Variants in BRI3 observed in about 807,000 individuals in gnomAD.
BRI3 encodes the protein membrane protein BRI3.
In BRI3, 6 loss-of-function variants were observed where a neutral mutation model predicts 12.8. The ratio of observed to expected loss-of-function variants is 0.47; its 90% CI spans 0.26 to 0.93. The LOEUF (loss-of-function observed/expected upper bound fraction) is 0.93. BRI3 is among the 40% of genes least tolerant of loss of function. The pLI is 0.15. For synonymous variants in BRI3, 91 were observed against 76.1 expected (o/e 1.20, Z -1.02); for missense variants, 134 against 171.1 (o/e 0.78, Z 1.21).
chr7:98,310,529 T>C (rs1800827870), downstream of BRI3: 7 of 1,601,186 alleles, frequency 4.4e-6, no homozygotes, highest in Admixed American at 1.8e-5. Context: ...GTATATGCTC[T>C]GCCTGAAGGA....
downstream of BRI3, chr7:98,292,500 A>C: frequency 2.5e-6 from 2 of 808,040 alleles, no homozygotes; most frequent in South Asian, 1.7e-5. Context: ...ACTCCAAAAT[A>C]GGTCCAGATC....
At chr7:98,306,289 A>G, upstream of BRI3, 1 of 930,812 alleles carries the variant, frequency 1.1e-6, no homozygotes, top group Non-Finnish European at 1.7e-6. Context: ...CACGGCAGAC[A>G]GCACTGTGAG....
chr7:98,281,968 G>A, intron 1 of BRI3, 31 bp downstream of exon 1: 1 of 1,281,378 alleles, frequency 7.8e-7, no homozygotes, highest in Non-Finnish European at 9.9e-7. Context: ...CCCCGCCGGC[G>A]GCTTCCGAGG....
At chr7:98,294,956 C>CTCT (rs1491523851), downstream of BRI3, among the ~76,000 whole-genome samples, 3 of 152,336 alleles carry the variant, frequency 2.0e-5, no homozygotes, top group South Asian at 2.1e-4. Context: ...GGGTTTAACA[C>CTCT]TCTTTCCTGC....
At chr7:98,308,216 T>C (rs1044620653) in exon 2 of BRI3, 2 of 530,520 alleles carry the variant, frequency 3.8e-6, no homozygotes, top group Admixed American at 2.2e-5. Flanking sequence ...ATGGCTCTTC[T>C]TAGAGAGACA....
the BRI3 span, among the ~76,000 whole-genome samples, chr7:98,315,875 C>A: frequency 6.6e-6 from 1 of 152,142 alleles, no homozygotes; most frequent in African/African-American, 2.4e-5. Context: ...TTACTTTGTA[C>A]TTCAGAGATA....
intron 1 of BRI3, among the ~76,000 whole-genome samples, chr7:98,300,889 C>T (rs553375473): frequency 2.0e-5 from 3 of 152,302 alleles, no homozygotes; most frequent in South Asian, 4.1e-4. Context: ...TGCCGAAGCT[C>T]GTGCCTCAGA....
At chr7:98,302,319 TG>T (rs1389608425), upstream of BRI3, among the ~76,000 whole-genome samples, 9 of 152,222 alleles carry the variant, frequency 5.9e-5, no homozygotes, top group African/African-American at 2.2e-4. Flanking sequence ...TTGGCCAAAG[TG>T]TCAGTGCTCT....
At chr7:98,302,581 G>C (rs992851458), upstream of BRI3, among the ~76,000 whole-genome samples, 2 of 151,950 alleles carry the variant, frequency 1.3e-5, no homozygotes, top group African/African-American at 4.8e-5. Context: ...AAATACAGGA[G>C]ACACGGGGGA....
chr7:98,315,543 G>A, the BRI3 span: 1 of 1,519,024 alleles, frequency 6.6e-7, no homozygotes, highest in Non-Finnish European at 8.9e-7. Flanking sequence ...TCTTCAAGCA[G>A]AGCCTCTTTG....
rs1042060236 is a variant in BRI3, at chr7:98,282,563, A to G, written c.245+110A>G. The G allele has an allele frequency of 9.0e-6, 8 of 887,114 alleles. No homozygotes were observed. In the African/African-American group the frequency reaches 1.0e-4, roughly 11 times the overall value. The allele number at this position is 887,114 out of a possible 1,614,324, so 55.0% of individuals were successfully genotyped here. On this transcript the variant is annotated intron_variant, in intron 2 of 2. Coordinates refer to ENST00000297290, the MANE Select transcript of BRI3 (RefSeq NM_015379.5). ...TGGGAGTGGGTCCGGCTTGACTTGG[A>G]TCTTGACCAGAGCCCTTTATGGGAG...
intron 1 of BRI3, among the ~76,000 whole-genome samples, chr7:98,301,360 G>T (rs1295596674): frequency 6.6e-6 from 1 of 152,022 alleles, no homozygotes; most frequent in Non-Finnish European, 1.5e-5. Flanking sequence ...ATTAGAATCC[G>T]CATAAGGAGG....
In BRI3 at chr7:98,291,423, G is replaced by A. The variant is rs771070435; in HGVS notation, c.*180G>A. ...AGAGGCAGTGCTGCTGCTCCCGCCC[G>A]AGGCTCATGACAACTCAATAAAGCA... On this transcript the variant is annotated 3_prime_UTR_variant, in exon 3 of 3. Coordinates refer to ENST00000297290, the MANE Select transcript of BRI3 (RefSeq NM_015379.5). 9.8e-6 allele frequency: 14 copies of A among 1,432,728 alleles called. No individual in the cohort carries two copies. The highest frequency in any genetic ancestry group is 3.0e-5 in the South Asian group (2 of 66,234). The allele number at this position is 1,432,728 out of a possible 1,614,324, so 88.8% of individuals were successfully genotyped here. A position where few individuals can be genotyped will look rare whatever the true frequency, so the allele number is the denominator to read the frequency against.
At chr7:98,310,819 T>C (rs1373265357), downstream of BRI3, among the ~76,000 whole-genome samples, 1 of 152,146 alleles carries the variant, frequency 6.6e-6, no homozygotes, top group African/African-American at 2.4e-5. Flanking sequence ...CTTGAGTAGC[T>C]GGATAACAGG....
chr7:98,315,820 G>A, the BRI3 span, among the ~76,000 whole-genome samples: 1 of 152,176 alleles, frequency 6.6e-6, no homozygotes, highest in African/African-American at 2.4e-5. Context: ...GCAGAGAGAA[G>A]TTGCCCAAGG....
chr7:98,284,192 G>A (rs1446888135), intron 2 of BRI3, among the ~76,000 whole-genome samples: 2 of 152,194 alleles, frequency 1.3e-5, no homozygotes, highest in African/African-American at 4.8e-5. Flanking sequence ...GTCCTCTCTG[G>A]ACAAGGTTGG....
chr7:98,290,675 TGTTA>T (rs911279176), intron 2 of BRI3, among the ~76,000 whole-genome samples: 3 of 151,850 alleles, frequency 2.0e-5, no homozygotes, highest in African/African-American at 7.3e-5. Flanking sequence ...ATTTTTGTAT[TGTTA>T]GTAGAGACAG....
At chr7:98,282,894 C>T (rs1799576478) in intron 2 of BRI3, 2 of 171,100 alleles carry the variant, frequency 1.2e-5, no homozygotes, top group Non-Finnish European at 2.6e-5. Context: ...AGTAAGTGCA[C>T]CAGCAGGACA....
At chr7:98,302,049 G>A (rs1008629913), upstream of BRI3, among the ~76,000 whole-genome samples, 4 of 152,150 alleles carry the variant, frequency 2.6e-5, no homozygotes, top group Admixed American at 6.6e-5. Flanking sequence ...GCAGTCTCCC[G>A]ACACTGACAG....
Sources: allele counts gnomAD v4.1 joint callset (sites outside exome capture counted in the v4.1 genomes callset), GRCh38; gene constraint gnomAD v4.1.1; transcripts MANE v1.5; gene names NCBI Gene and HGNC (gene_info 2026-07-23, HGNC 2026-07-21).